GSE1: variants seen among roughly 807,000 people sequenced by gnomAD.
The protein encoded by GSE1 is genetic suppressor element 1.
A neutral mutation model predicts 112.6 loss-of-function variants in GSE1; 32 were observed. That is an observed-to-expected ratio of 0.28 (90% CI 0.21 to 0.38). GSE1 has a LOEUF of 0.38. Among genes scored for constraint, GSE1 ranks in the 10% least tolerant of loss-of-function variants. The probability of loss-of-function intolerance (pLI) is 1.00; values close to 1 mark genes in which losing one functional copy is unlikely to be tolerated. For missense variants in GSE1, 2,348 were observed against 1,699.2 expected, an observed-to-expected ratio of 1.38 and a Z score of -6.71; for synonymous variants, 1,115 against 735.6, an observed-to-expected ratio of 1.52 and a Z score of -8.35.
chr16:85,644,800 T>C (rs1434827389), intron 2 of GSE1, among the ~76,000 whole-genome samples: 3 of 151,626 alleles, frequency 2.0e-5, no homozygotes, highest in Non-Finnish European at 4.4e-5. Context: ...CGGGATGGAA[T>C]CATAGCTCGG....
At chr16:85,284,260 C>T (rs539398713) in intron 1 of GSE1, among the ~76,000 whole-genome samples, 7 of 152,286 alleles carry the variant, frequency 4.6e-5, no homozygotes, top group East Asian at 1.9e-4. Flanking sequence ...CAGCATGTGG[C>T]GCGAGGACAA....
chr16:85,179,100 G>A (rs2074528484), intron 1 of GSE1, among the ~76,000 whole-genome samples: 1 of 152,094 alleles, frequency 6.6e-6, no homozygotes, highest in Non-Finnish European at 1.5e-5. Context: ...TGACTGTCCA[G>A]TTCCAGAACA....
intron 3 of GSE1, 95 bp from the exon 4 acceptor site, chr16:85,654,183 C>G: frequency 2.6e-6 from 3 of 1,138,594 alleles, no homozygotes; most frequent in South Asian, 1.5e-5. Flanking sequence ...TGAACTAAAT[C>G]TAGCGCCTTC....
intron 2 of GSE1, among the ~76,000 whole-genome samples, chr16:85,547,707 C>A (rs557160652): frequency 1.3e-5 from 2 of 149,936 alleles, no homozygotes; most frequent in Admixed American, 6.7e-5. Flanking sequence ...ATGGTGAAAC[C>A]CTGTCTCTAC....
At chr16:85,548,246 AGAAAG>A (rs1170319925) in intron 2 of GSE1, among the ~76,000 whole-genome samples, 2 of 72,616 alleles carry the variant, frequency 2.8e-5, no homozygotes, top group African/African-American at 8.6e-5. Flanking sequence ...AAAAAAAAAA[AGAAAG>A]AAAGAAAGAA....
In GSE1 at chr16:85,268,034, T is replaced by C. The variant is rs1365138289; in HGVS notation, c.2284-89429T>C. Reference sequence around the variant, plus strand: ...AAGAGCTCAAGTCACTGCCTGGCACTGCCCAGAGGCTGCCAGGCTTTGTCA... The same window carrying C: ...AAGAGCTCAAGTCACTGCCTGGCACCGCCCAGAGGCTGCCAGGCTTTGTCA... On this transcript the variant is annotated intron_variant, in intron 1 of 2. Coordinates refer to the GSE1 transcript ENST00000637419. 2.0e-5 allele frequency among the ~76,000 whole-genome samples: 3 copies of C among 152,304 alleles called. No individual in the cohort carries two copies. The East Asian group carries it at 5.8e-4, about 29-fold the overall frequency.
intron 1 of GSE1, among the ~76,000 whole-genome samples, chr16:85,210,134 C>T (rs6564108): frequency 2.0e-5 from 3 of 152,032 alleles, no homozygotes; most frequent in Non-Finnish European, 2.9e-5. Context: ...GTGTCGTATT[C>T]GTCTTTACTG....
intron 1 of GSE1, among the ~76,000 whole-genome samples, chr16:85,186,917 A>C (rs1030311808): frequency 2.6e-5 from 4 of 152,042 alleles, no homozygotes; most frequent in African/African-American, 9.7e-5. Flanking sequence ...CCCTGTAAAC[A>C]GGACCCTCTG....
At chr16:85,533,884 T>A (rs2044226867) in intron 2 of GSE1, among the ~76,000 whole-genome samples, 1 of 151,796 alleles carries the variant, frequency 6.6e-6, no homozygotes, top group Non-Finnish European at 1.5e-5. Context: ...TAAAATAAAC[T>A]CGGCATTATT....
intron 2 of GSE1, among the ~76,000 whole-genome samples, chr16:85,528,049 G>A (rs1307437032): frequency 6.6e-6 from 1 of 152,208 alleles, no homozygotes; most frequent in Non-Finnish European, 1.5e-5. Context: ...GGTGTGGGGG[G>A]GCCCCAGCAT....
In GSE1 at chr16:85,661,539, C is replaced by T. The variant is rs1329117904; in HGVS notation, c.2034C>T (p.Leu678=). ...GGCCCGGGCCCTTCCTGGCTGAGCT[C>T]GAGAAGTCCACCCAGACCATCCTGG... ...LPGPGPFLAE[L]EKSTQTILGQ... is the part of the protein sequence containing the mutation. Residue 678 remains leucine, a synonymous_variant, in exon 9 of 16, where the codon CTC becomes CTT. Transcript: ENST00000253458. 2.5e-6 allele frequency: 4 copies of T among 1,611,870 alleles called. No individual in the cohort carries two copies. The highest frequency in any genetic ancestry group is 3.4e-6 in the Non-Finnish European group (4 of 1,179,716).
chr16:85,301,236 G>C (rs1441626627), intron 1 of GSE1, among the ~76,000 whole-genome samples: 1 of 152,228 alleles, frequency 6.6e-6, no homozygotes, highest in East Asian at 1.9e-4. Context: ...TCCATTTTAT[G>C]AGCCTTTTGG....
At chr16:85,216,122 G>A (rs2075303433) in intron 1 of GSE1, among the ~76,000 whole-genome samples, 1 of 152,232 alleles carries the variant, frequency 6.6e-6, no homozygotes, top group Admixed American at 6.5e-5. Flanking sequence ...CCAGCCCAGG[G>A]CTTCTGCCCC....
intron 1 of GSE1, among the ~76,000 whole-genome samples, chr16:85,247,346 G>A (rs913945582): frequency 2.6e-5 from 4 of 152,196 alleles, no homozygotes; most frequent in Non-Finnish European, 5.9e-5. Flanking sequence ...ATGGACAATG[G>A]ATGGGAAACC....
At chr16:85,418,569 C>T (rs2151732113) in intron 2 of GSE1, among the ~76,000 whole-genome samples, 1 of 152,362 alleles carries the variant, frequency 6.6e-6, no homozygotes, top group South Asian at 2.1e-4. Context: ...TCCTGCCCCT[C>T]CCAGGAGCCA....
intron 2 of GSE1, among the ~76,000 whole-genome samples, chr16:85,467,148 C>T (rs963102941): frequency 3.9e-5 from 6 of 152,344 alleles, no homozygotes; most frequent in Middle Eastern, 3.4e-3. Context: ...AGCATGCAGA[C>T]CTCTGCTGGA....
At chr16:85,449,072 T>C (rs1215355514) in intron 2 of GSE1, among the ~76,000 whole-genome samples, 1 of 152,114 alleles carries the variant, frequency 6.6e-6, no homozygotes, top group East Asian at 1.9e-4. Context: ...GGAGCCGGGC[T>C]GGAAACCGGG....
chr16:85,363,140 A>G (rs1364128367), intron 2 of GSE1, among the ~76,000 whole-genome samples: 2 of 152,192 alleles, frequency 1.3e-5, no homozygotes, highest in South Asian at 2.1e-4. Flanking sequence ...CCCGCTGGAT[A>G]TCATTATTAA....
intron 1 of GSE1, among the ~76,000 whole-genome samples, chr16:85,275,899 C>A (rs528393542): frequency 6.6e-6 from 1 of 152,372 alleles, no homozygotes; most frequent in Admixed American, 6.5e-5. Context: ...TGGCCCCGTT[C>A]ACTTCTGCAC....
Sources: gnomAD v4.1 joint callset for allele counts (sites outside exome capture counted in the v4.1 genomes callset) on GRCh38, gnomAD v4.1.1 for gene constraint, MANE v1.5 for transcripts, NCBI Gene and HGNC (gene_info 2026-07-23, HGNC 2026-07-21) for gene names.